The following DTWD1 variants were observed in gnomAD, a reference collection of about 807,000 sequenced individuals.
The protein encoded by DTWD1 is DTW motif tRNA-uridine aminocarboxypropyltransferase 1.
Under a neutral mutation model 30.2 loss-of-function variants are expected in DTWD1, and 27 were observed. The ratio of observed to expected loss-of-function variants is 0.90; its 90% CI spans 0.66 to 1.23. DTWD1 has a LOEUF of 1.23. Ranked by LOEUF, DTWD1 falls within the 50% of genes most tolerant of loss-of-function variation. The pLI is 0.00. For missense variants in DTWD1, 342 were observed against 348.8 expected, an observed-to-expected ratio of 0.98 and a Z score of 0.15; for synonymous variants, 99 against 113.1, an observed-to-expected ratio of 0.88 and a Z score of 0.79.
At chr15:49,639,632 TA>T in intron 4 of DTWD1, among the ~76,000 whole-genome samples, 1 of 152,298 alleles carries the variant, frequency 6.6e-6, no homozygotes, top group East Asian at 1.9e-4. Context: ...TACTAGGGTA[TA>T]AAAAATATTT....
intron 3 of DTWD1, chr15:49,633,628 C>T (rs2078961736): frequency 1.5e-5 from 4 of 275,602 alleles, no homozygotes; most frequent in South Asian, 3.1e-5. Context: ...AGCCACTGTG[C>T]CCGGCCAAGA....
chr15:49,650,550 A>T lies in DTWD1; in HGVS notation c.*6972A>T, dbSNP rs1417185405. On this transcript the variant is annotated 3_prime_UTR_variant, in exon 5 of 5. Coordinates refer to ENST00000403028, the MANE Select transcript of DTWD1 (RefSeq NM_001144955.2). ...TGGTAGATATGAAAATGTGCTGCCT[A>T]TATCCCCCTTCTAGGAAGGACTTGC... The T allele has an allele frequency of 6.6e-6, 1 of 152,162 alleles. No homozygotes were observed. Among genetic ancestry groups the T allele is most frequent in the Non-Finnish European group, 1.5e-5 (1 of 68,038 alleles). 9.4% of individuals were successfully genotyped at this position (152,162 alleles called of 1,614,324 possible). A position where few individuals can be genotyped will look rare whatever the true frequency, so the allele number is the denominator to read the frequency against.
intron 4 of DTWD1, among the ~76,000 whole-genome samples, chr15:49,642,583 T>C (rs901079514): frequency 6.6e-6 from 1 of 152,094 alleles, no homozygotes; most frequent in Non-Finnish European, 1.5e-5. Flanking sequence ...AACATTAAGC[T>C]GCCTATCTCT....
rs1333142065 is a variant in DTWD1, at chr15:49,645,167, A to C, written c.*1589A>C. On this transcript the variant is annotated 3_prime_UTR_variant, in exon 5 of 5. Coordinates refer to ENST00000403028, the MANE Select transcript of DTWD1 (RefSeq NM_001144955.2). ...GCTGATATATCTTAAACTTACTTGA[A>C]TATGTAGCACCTATTAACATGCCAT... 6.6e-6 allele frequency: 1 copy of C among 152,192 alleles called. No homozygotes were observed. Among genetic ancestry groups the C allele is most frequent in the African/African-American group, 2.4e-5 (1 of 41,452 alleles). 9.4% of individuals were successfully genotyped at this position (152,192 alleles called of 1,614,324 possible).
In DTWD1 at chr15:49,652,018, T is replaced by C. The variant is rs1047133977; in HGVS notation, c.*8440T>C. ...GTATGTACTGGATCAATTATCCTTA[T>C]ATAGCATGTGCCCCAATATGAAGAA... On this transcript the variant is annotated 3_prime_UTR_variant, in exon 5 of 5. Coordinates refer to ENST00000403028, the MANE Select transcript of DTWD1 (RefSeq NM_001144955.2). 1 of 152,078 alleles carries C rather than the reference T, an allele frequency of 6.6e-6. No individual in the cohort carries two copies. Among genetic ancestry groups the C allele is most frequent in the African/African-American group, 2.4e-5 (1 of 41,416 alleles). 9.4% of individuals were successfully genotyped at this position (152,078 alleles called of 1,614,324 possible).
intron 4 of DTWD1, among the ~76,000 whole-genome samples, chr15:49,641,363 A>C (rs952569969): frequency 2.6e-5 from 4 of 152,142 alleles, no homozygotes; most frequent in Admixed American, 2.6e-4. Context: ...AAAGCCAAAC[A>C]ATGTTTAACC....
intron 2 of DTWD1, chr15:49,626,870 C>A: frequency 2.9e-6 from 1 of 345,028 alleles, no homozygotes; most frequent in Non-Finnish European, 6.2e-6. Flanking sequence ...TCACAGTTTG[C>A]TCCGAAAAAA....
In DTWD1 at chr15:49,652,998, A is replaced by G. The variant is rs940816334; in HGVS notation, c.*9420A>G. 1 of 152,258 alleles carries G rather than the reference A, an allele frequency of 6.6e-6. No homozygotes were observed. The highest frequency in any genetic ancestry group is 2.4e-5 in the African/African-American group (1 of 41,554). 9.4% of individuals were successfully genotyped at this position (152,258 alleles called of 1,614,324 possible). On this transcript the variant is annotated 3_prime_UTR_variant, in exon 5 of 5. Transcript: ENST00000403028. ...AATGCCCATGGGAAGCAAAAAATCA[A>G]AGAGTTTAAACAGAATTTTGAGAAA...
At chr15:49,642,865 CTG>C (rs2153354102) in intron 4 of DTWD1, among the ~76,000 whole-genome samples, 2 of 152,240 alleles carry the variant, frequency 1.3e-5, no homozygotes, top group African/African-American at 4.8e-5. Context: ...TTTGAGGTAA[CTG>C]TGAGCTATGA....
chr15:49,641,572 G>A (rs2079065393), intron 4 of DTWD1, among the ~76,000 whole-genome samples: 1 of 152,020 alleles, frequency 6.6e-6, no homozygotes, highest in African/African-American at 2.4e-5. Flanking sequence ...TCTTTACTCA[G>A]TGTTTTATCA....
chr15:49,630,188 T>G (rs1362560493), intron 2 of DTWD1, among the ~76,000 whole-genome samples: 1 of 152,106 alleles, frequency 6.6e-6, no homozygotes, highest in Non-Finnish European at 1.5e-5. Flanking sequence ...TTGTTGATGG[T>G]GAGAGGAGAA....
At chr15:49,625,766 A>C (rs1348683755) in intron 2 of DTWD1, among the ~76,000 whole-genome samples, 1 of 152,144 alleles carries the variant, frequency 6.6e-6, no homozygotes, top group African/African-American at 2.4e-5. Flanking sequence ...CTAAGACTTA[A>C]AATTTTCCAA....
At chr15:49,626,484 A>C (rs941680853) in intron 2 of DTWD1, among the ~76,000 whole-genome samples, 1 of 152,182 alleles carries the variant, frequency 6.6e-6, no homozygotes, top group African/African-American at 2.4e-5. Context: ...CGTCATGTCT[A>C]CATAATCAAA....
Position 49,632,320 on chromosome 15 carries a change from T to C in DTWD1, c.408+18T>C. 1 of 1,571,022 alleles carries C rather than the reference T, an allele frequency of 6.4e-7. No homozygotes were observed. Among genetic ancestry groups the C allele is most frequent in the Non-Finnish European group, 8.6e-7 (1 of 1,168,954 alleles). On this transcript the variant is annotated intron_variant, in intron 3 of 4. Transcript: ENST00000403028. ...ACCATGAAGTAGGCAACTTAGTTTT[T>C]ATAACTCTTCACATTGGATATAAAA...
In DTWD1 at chr15:49,632,281, A is replaced by C. The variant is rs1056878224; in HGVS notation, c.387A>C (p.Glu129Asp). The C allele has an allele frequency of 6.3e-7, 1 of 1,582,170 alleles. No individual in the cohort carries two copies. Among genetic ancestry groups the C allele is most frequent in the Middle Eastern group, 1.7e-4 (1 of 5,974 alleles). The change falls in exon 3 of 5, where the codon GAA becomes GAC. Residue 129 changes from glutamate to aspartate, a missense_variant. Transcript: ENST00000403028. ...VNIYTYPCIP[E>D]YEEKDHEVAL... Reference sequence around the variant, plus strand: ...TTTACACGTATCCGTGTATTCCAGAATATGAAGAAAAGGACCATGAAGTAG... The same window carrying C: ...TTTACACGTATCCGTGTATTCCAGACTATGAAGAAAAGGACCATGAAGTAG...
chr15:49,624,539 A>T (rs919874339), intron 1 of DTWD1, among the ~76,000 whole-genome samples: 4 of 152,216 alleles, frequency 2.6e-5, no homozygotes, highest in Admixed American at 2.6e-4. Flanking sequence ...GTAAATTTTT[A>T]AAATTTATAG....
At chr15:49,623,838 A>G (rs1375619748) in intron 1 of DTWD1, 1 of 152,120 alleles carries the variant, frequency 6.6e-6, no homozygotes, top group South Asian at 2.1e-4. Context: ...AAGATTTTCT[A>G]TTTGTGAGGC....
chr15:49,630,395 T>C (rs2078903549), intron 2 of DTWD1, among the ~76,000 whole-genome samples: 1 of 152,186 alleles, frequency 6.6e-6, no homozygotes, highest in Non-Finnish European at 1.5e-5. Context: ...ATCCTACTTA[T>C]TTAGCATGGG....
Position 49,634,554 on chromosome 15 carries a change from G to A in DTWD1, c.427G>A (p.Gly143Arg). Residue 143 changes from glycine to arginine, a missense_variant, in exon 4 of 5, where the codon GGA becomes AGA. Physicochemically the swap from Gly to Arg is moderately radical, Grantham distance 125. Coordinates refer to ENST00000403028, the MANE Select transcript of DTWD1 (RefSeq NM_001144955.2). The part of the protein sequence containing the change: ...KDHEVALIFP[G>R]PQSISIKDIS... ...GTTTTAGGTTGCACTCATTTTTCCT[G>A]GACCTCAGTCTATCTCAATAAAAGA... 1 of 1,607,856 alleles carries A rather than the reference G, an allele frequency of 6.2e-7. No homozygotes were observed. Among genetic ancestry groups the A allele is most frequent in the South Asian group, 1.1e-5 (1 of 89,782 alleles).
Sources: allele counts gnomAD v4.1 joint callset (sites outside exome capture counted in the v4.1 genomes callset), GRCh38; gene constraint gnomAD v4.1.1; transcripts MANE v1.5; gene names NCBI Gene and HGNC (gene_info 2026-07-23, HGNC 2026-07-21).